GRIK3: variants seen among roughly 807,000 people sequenced by gnomAD.
GRIK3 encodes the protein glutamate ionotropic receptor kainate type subunit 3.
A neutral mutation model predicts 102.5 loss-of-function variants in GRIK3; 29 were observed. The ratio of observed to expected loss-of-function variants is 0.28; its 90% CI spans 0.21 to 0.39. GRIK3 has a LOEUF of 0.39. Among genes scored for constraint, GRIK3 ranks in the 10% least tolerant of loss-of-function variants. GRIK3 has a pLI of 1.00. For synonymous variants in GRIK3, 511 were observed against 504.9 expected (o/e 1.01, Z -0.16); for missense variants, 908 against 1,252.4 (o/e 0.73, Z 4.15).
intron 10 of GRIK3, among the ~76,000 whole-genome samples, chr1:36,828,619 T>C (rs989526019): frequency 1.3e-5 from 2 of 152,208 alleles, no homozygotes; most frequent in African/African-American, 4.8e-5. Context: ...TAATGACATT[T>C]CTCAGAATGT....
At chr1:36,817,501 A>G (rs1387617999) in intron 12 of GRIK3, among the ~76,000 whole-genome samples, 1 of 152,226 alleles carries the variant, frequency 6.6e-6, no homozygotes, top group Non-Finnish European at 1.5e-5. Context: ...CTGAATCAGT[A>G]ATTTCTGAGG....
At chr1:36,888,709 A>C (rs970328105) in intron 2 of GRIK3, among the ~76,000 whole-genome samples, 6 of 152,074 alleles carry the variant, frequency 3.9e-5, no homozygotes, top group African/African-American at 1.2e-4. Context: ...TGGCTCCTTC[A>C]AACAACTTGC....
In GRIK3 at chr1:36,937,483, G is replaced by C. The variant is rs115521600; in HGVS notation, c.116-46387C>G. On this transcript the variant is annotated intron_variant, in intron 1 of 15. Coordinates refer to ENST00000373091, the MANE Select transcript of GRIK3 (RefSeq NM_000831.4). Reference sequence around the variant, plus strand: ...TTCTCATTACAGGATGACTATCTAAGACATCACAGATTTTCAGCCTGAGTT... The same window carrying C: ...TTCTCATTACAGGATGACTATCTAACACATCACAGATTTTCAGCCTGAGTT... 4.4e-3 allele frequency among the ~76,000 whole-genome samples: 669 copies of C among 152,274 alleles called. 7 individuals are homozygous for C. The highest frequency in any genetic ancestry group is 0.016 in the African/African-American group (652 of 41,542).
chr1:37,013,862 C>G (rs1642624391), intron 1 of GRIK3, among the ~76,000 whole-genome samples: 1 of 152,230 alleles, frequency 6.6e-6, no homozygotes, highest in South Asian at 2.1e-4. Flanking sequence ...GGGAAAGCCC[C>G]AAGACAAAGT....
chr1:36,796,944 G>C lies in GRIK3; in HGVS notation c.*4907C>G, dbSNP rs115214151. 1 of 152,120 alleles carries C rather than the reference G, an allele frequency of 6.6e-6. No individual in the cohort carries two copies. Among genetic ancestry groups the C allele is most frequent in the Non-Finnish European group, 1.5e-5 (1 of 68,026 alleles). The allele number at this position is 152,120 out of a possible 1,614,324, so 9.4% of individuals were successfully genotyped here. The stretch of plus-strand genomic sequence containing the variant: ...AGGGGCTGAGTACTAGCATGACATT[G>C]CTTCTCAGACACACCCAGCTGTCCT... On this transcript the variant is annotated 3_prime_UTR_variant, in exon 16 of 16. Transcript: ENST00000373091.
intron 2 of GRIK3, among the ~76,000 whole-genome samples, chr1:36,886,367 G>C (rs1450019837): frequency 6.6e-6 from 1 of 152,216 alleles, no homozygotes; most frequent in Admixed American, 6.5e-5. Context: ...ATTATTTCTG[G>C]ATTAATTAGA....
rs944850606 is a variant in GRIK3 at position 37,033,900 on chromosome 1, G to T, written c.115+94C>A. On this transcript the variant is annotated intron_variant, in intron 1 of 15. Coordinates refer to ENST00000373091, the MANE Select transcript of GRIK3 (RefSeq NM_000831.4). ...CGATCGGCTCAGCAGCTCGGAGAGA[G>T]GTTAGGAAAATCTCTCCGGAACGCG... 19 of 649,750 alleles carry T rather than the reference G, an allele frequency of 2.9e-5. No homozygotes were observed. In the African/African-American group the frequency reaches 3.6e-4, roughly 12 times the overall value. 40.2% of individuals were successfully genotyped at this position (649,750 alleles called of 1,614,324 possible). A position where few individuals can be genotyped will look rare whatever the true frequency, so the allele number is the denominator to read the frequency against.
At chr1:36,927,688 C>T (rs973406340) in intron 1 of GRIK3, among the ~76,000 whole-genome samples, 5 of 152,134 alleles carry the variant, frequency 3.3e-5, no homozygotes, top group Admixed American at 6.5e-5. Context: ...AAGCCTCTGT[C>T]GGCCAATTCA....
Position 36,801,910 on chromosome 1 carries a change from G to A in GRIK3, c.2701C>T (p.Arg901Trp), listed in dbSNP as rs757906633. ...VINMHTFNDR[R>W]LPGKDSMACS... ...GCCATGCTGTCCTTGCCGGGAAGCC[G>A]GCGGTCATTGAATGTGTGCATGTTG... The change falls in exon 16 of 16, where the codon CGG (arginine) becomes TGG (tryptophan). Residue 901 changes from arginine (R) to tryptophan (W), a missense_variant. Coordinates refer to ENST00000373091, the MANE Select transcript of GRIK3 (RefSeq NM_000831.4). The A allele has an allele frequency of 2.5e-6, 4 of 1,613,924 alleles. No individual in the cohort carries two copies. The highest frequency in any genetic ancestry group is 3.4e-6 in the Non-Finnish European group (4 of 1,179,920).
chr1:36,999,212 G>A (rs1024512947), intron 1 of GRIK3, among the ~76,000 whole-genome samples: 2 of 152,124 alleles, frequency 1.3e-5, no homozygotes, highest in Admixed American at 6.5e-5. Flanking sequence ...AATCAGGGAG[G>A]GATGTTCAGG....
At chr1:36,903,050 A>G (rs963253636) in intron 1 of GRIK3, among the ~76,000 whole-genome samples, 2 of 152,182 alleles carry the variant, frequency 1.3e-5, no homozygotes, top group Non-Finnish European at 2.9e-5. Flanking sequence ...TCGGCCTCCC[A>G]AAGTGCTGGG....
chr1:36,841,864 C>T lies in GRIK3; in HGVS notation c.1402G>A (p.Asp468Asn), dbSNP rs1191291700. ...GNDRFEGYCI[D>N]LLKELAHILG... ...ATGTGGGCCAGCTCCTTTAGCAGGTCGATGCAGTAGCCCTCGAACCGGTCA... is the reference window on the plus strand; with the variant it reads ...ATGTGGGCCAGCTCCTTTAGCAGGTTGATGCAGTAGCCCTCGAACCGGTCA... The change falls in exon 10 of 16, where the codon GAC (aspartate) becomes AAC (asparagine). Residue 468 changes from aspartate (D) to asparagine (N), a missense_variant. Transcript: ENST00000373091. The T allele has an allele frequency of 2.5e-6, 4 of 1,614,154 alleles. No homozygotes were observed. The highest frequency in any genetic ancestry group is 2.2e-5 in the East Asian group (1 of 44,872).
chr1:37,032,300 G>A (rs1642836733), intron 1 of GRIK3, among the ~76,000 whole-genome samples: 2 of 152,136 alleles, frequency 1.3e-5, no homozygotes, highest in Non-Finnish European at 2.9e-5. Context: ...CTGAGGCTGG[G>A]CTGGGAGCAC....
At chr1:36,856,326 C>T (rs532069681) in intron 7 of GRIK3, among the ~76,000 whole-genome samples, 11 of 152,294 alleles carry the variant, frequency 7.2e-5, no homozygotes, top group East Asian at 1.9e-4. Context: ...TGTCTGTGGG[C>T]GGGTGGACAG....
At chr1:36,985,700 C>T (rs1412003081) in intron 1 of GRIK3, among the ~76,000 whole-genome samples, 1 of 152,168 alleles carries the variant, frequency 6.6e-6, no homozygotes, top group Non-Finnish European at 1.5e-5. Context: ...ACAGTGACTG[C>T]TGAATGGCAG....
intron 1 of GRIK3, among the ~76,000 whole-genome samples, chr1:36,991,323 C>T (rs1168774765): frequency 6.6e-6 from 1 of 152,176 alleles, no homozygotes; most frequent in African/African-American, 2.4e-5. Flanking sequence ...CCTAGATGAT[C>T]ACAGATATGA....
chr1:36,836,444 C>T (rs1359254734), intron 10 of GRIK3, among the ~76,000 whole-genome samples: 1 of 152,234 alleles, frequency 6.6e-6, no homozygotes, highest in Non-Finnish European at 1.5e-5. Flanking sequence ...GGGACAGCAG[C>T]CAAGTTTAGC....
At chr1:37,030,698 T>C (rs561754895) in intron 1 of GRIK3, among the ~76,000 whole-genome samples, 29 of 152,072 alleles carry the variant, frequency 1.9e-4, no homozygotes, top group African/African-American at 5.8e-4. Context: ...CACTGTCTAG[T>C]TCCCTTTTCA....
intron 7 of GRIK3, among the ~76,000 whole-genome samples, chr1:36,854,351 T>A (rs1041518444): frequency 6.6e-6 from 1 of 152,134 alleles, no homozygotes; most frequent in Non-Finnish European, 1.5e-5. Flanking sequence ...GCTATAAGGG[T>A]GAAATGAGAT....
Sources: allele counts gnomAD v4.1 joint callset (sites outside exome capture counted in the v4.1 genomes callset), GRCh38; gene constraint gnomAD v4.1.1; transcripts MANE v1.5; gene names NCBI Gene and HGNC (gene_info 2026-07-23, HGNC 2026-07-21).